EYS: variants seen among roughly 807,000 people sequenced by gnomAD.
EYS encodes the protein protein eyes shut homolog.
In EYS, 250 loss-of-function variants were observed where a neutral mutation model predicts 282.1. The observed-to-expected ratio is 0.89, with a 90% confidence interval of 0.80 to 0.98. The LOEUF (loss-of-function observed/expected upper bound fraction) is 0.98. Ranked by LOEUF, EYS falls within the 50% of genes least tolerant of loss-of-function variation. The pLI is 0.00. For synonymous variants in EYS, 1,355 were observed against 1,282.9 expected (o/e 1.06, Z -1.20); for missense variants, 4,016 against 3,709.0 (o/e 1.08, Z -2.15).
chr6:64,797,360 T>A (rs1019400696), intron 22 of EYS, among the ~76,000 whole-genome samples: 1 of 152,124 alleles, frequency 6.6e-6, no homozygotes, highest in Admixed American at 6.6e-5. Flanking sequence ...AGATGTGAGA[T>A]TATTGTTAAC....
At chr6:64,177,527 A>T (rs1391495829) in intron 31 of EYS, among the ~76,000 whole-genome samples, 11 of 152,068 alleles carry the variant, frequency 7.2e-5, no homozygotes, top group Admixed American at 7.2e-4. Flanking sequence ...TCATATGAAT[A>T]TGCATGACAT....
intron 2 of EYS, among the ~76,000 whole-genome samples, chr6:65,597,809 T>A (rs139029221): frequency 1.3e-5 from 2 of 152,146 alleles, no homozygotes; most frequent in East Asian, 3.9e-4. Context: ...AATCATAGAC[T>A]GGCAAAAATG....
chr6:65,220,287 C>G (rs1294319065), intron 12 of EYS, among the ~76,000 whole-genome samples: 1 of 151,978 alleles, frequency 6.6e-6, no homozygotes, highest in African/African-American at 2.4e-5. Flanking sequence ...TACATTTTTA[C>G]CATGTACCTA....
chr6:65,620,236 G>T (rs1766418646), intron 2 of EYS, among the ~76,000 whole-genome samples: 1 of 152,140 alleles, frequency 6.6e-6, no homozygotes, highest in Non-Finnish European at 1.5e-5. Flanking sequence ...TTCAGATCCT[G>T]TTATTGGTCT....
At chr6:64,978,036 G>C (rs572334159) in intron 14 of EYS, among the ~76,000 whole-genome samples, 3 of 152,042 alleles carry the variant, frequency 2.0e-5, no homozygotes, top group Middle Eastern at 3.4e-3. Flanking sequence ...TTATTCAGAA[G>C]ATCTAGCTAA....
intron 2 of EYS, among the ~76,000 whole-genome samples, chr6:65,589,090 A>C (rs960919084): frequency 6.6e-6 from 1 of 152,054 alleles, no homozygotes; most frequent in East Asian, 1.9e-4. Flanking sequence ...GTAACCTCTT[A>C]ACTTCCAAAA....
At chr6:65,150,992 T>A (rs1285737899) in intron 12 of EYS, among the ~76,000 whole-genome samples, 1 of 152,058 alleles carries the variant, frequency 6.6e-6, no homozygotes, top group Non-Finnish European at 1.5e-5. Context: ...TTGGCAGTAT[T>A]CACATCTAAT....
At chr6:64,607,835 A>G (rs1345276641) in intron 24 of EYS, among the ~76,000 whole-genome samples, 1 of 152,138 alleles carries the variant, frequency 6.6e-6, no homozygotes, top group Non-Finnish European at 1.5e-5. Context: ...TGGACAAACT[A>G]CATTCTAACA....
chr6:65,656,342 G>A (rs1767826238), intron 1 of EYS, among the ~76,000 whole-genome samples: 1 of 151,876 alleles, frequency 6.6e-6, no homozygotes. Context: ...GCTGAAAGCT[G>A]AGATAGGTTG....
chr6:64,802,023 C>CTTTTTTTCTTTT (rs1663451250), intron 22 of EYS, among the ~76,000 whole-genome samples: 1 of 70,780 alleles, frequency 1.4e-5, no homozygotes, highest in African/African-American at 4.9e-5. Context: ...ATTTCTTTTT[C>CTTTTTTTCTTTT]TTTTTTTTTC....
chr6:64,827,049 T>C (rs9360083), intron 19 of EYS, among the ~76,000 whole-genome samples: 23,176 of 151,762 alleles, frequency 0.15, 2,019 homozygotes, highest in East Asian at 0.44. Flanking sequence ...TTTTTAAAAA[T>C]ACAAAATCCC....
chr6:64,939,368 CA>C (rs1297192782), intron 15 of EYS, among the ~76,000 whole-genome samples: 2 of 151,690 alleles, frequency 1.3e-5, no homozygotes, highest in Non-Finnish European at 2.9e-5. Flanking sequence ...ATTTAGGTAA[CA>C]AAATCTCCTG....
chr6:64,451,278 T>G (rs925363001), intron 26 of EYS, among the ~76,000 whole-genome samples: 1 of 152,056 alleles, frequency 6.6e-6, no homozygotes, highest in Non-Finnish European at 1.5e-5. Flanking sequence ...ATAAATTCCA[T>G]GACACACACA....
At chr6:64,033,784 A>G (rs1769976818) in intron 33 of EYS, among the ~76,000 whole-genome samples, 1 of 151,960 alleles carries the variant, frequency 6.6e-6, no homozygotes, top group Non-Finnish European at 1.5e-5. Context: ...TTGTGTATAC[A>G]TACATTCAAT....
At position 63,721,634 on chromosome 6, in the gene EYS, T is replaced by C. The variant is rs1403000124; in HGVS notation, c.8397A>G (p.Leu2799=). The C allele has an allele frequency of 2.6e-6, 4 of 1,551,252 alleles. No homozygotes were observed. Among genetic ancestry groups the C allele is most frequent in the Non-Finnish European group, 3.5e-6 (4 of 1,146,496 alleles). Residue 2799 remains leucine, a synonymous_variant, in exon 43 of 43, where the codon CTA becomes CTG. Coordinates refer to ENST00000503581, the MANE Select transcript of EYS (RefSeq NM_001142800.2). The part of the protein sequence containing the change: ...GRVGAEGYLD[L]DGINVTEKAS... The stretch of plus-strand genomic sequence containing the variant: ...CCTTTTCTGTTACATTTATCCCATC[T>C]AGATCCAGGTAGCCTTCTGCACCAA...
chr6:65,422,027 G>C (rs1767485756), intron 5 of EYS, among the ~76,000 whole-genome samples: 1 of 151,908 alleles, frequency 6.6e-6, no homozygotes, highest in Non-Finnish European at 1.5e-5. Context: ...CATGGTGTTA[G>C]AAAAACTGGT....
chr6:65,261,697 T>C (rs540340660), intron 12 of EYS, among the ~76,000 whole-genome samples: 6 of 152,188 alleles, frequency 3.9e-5, no homozygotes, highest in African/African-American at 1.4e-4. Context: ...TTATTCTAAA[T>C]CTATACTGCT....
chr6:64,679,565 G>A (rs1769825606), intron 22 of EYS, among the ~76,000 whole-genome samples: 1 of 152,048 alleles, frequency 6.6e-6, no homozygotes, highest in Non-Finnish European at 1.5e-5. Context: ...GTGGAACTAT[G>A]AGTCAGTGGT....
At chr6:65,476,583 C>A in intron 5 of EYS, among the ~76,000 whole-genome samples, 1 of 144,726 alleles carries the variant, frequency 6.9e-6, no homozygotes, top group Non-Finnish European at 1.5e-5. Context: ...TCTAAAACTG[C>A]TTTTTTTTTT....
Sources: allele counts gnomAD v4.1 joint callset (sites outside exome capture counted in the v4.1 genomes callset), GRCh38; gene constraint gnomAD v4.1.1; transcripts MANE v1.5; gene names NCBI Gene and HGNC (gene_info 2026-07-23, HGNC 2026-07-21).